The following PMPCB variants were observed in gnomAD, a reference collection of about 807,000 sequenced individuals.
PMPCB encodes the protein mitochondrial-processing peptidase subunit beta.
In PMPCB, 46 loss-of-function variants were observed where a neutral mutation model predicts 61.5. The observed-to-expected ratio is 0.75, with a 90% CI of 0.59 to 0.96. The LOEUF is 0.96. Among genes scored for constraint, PMPCB ranks in the 40% least tolerant of loss-of-function variants. PMPCB has a pLI of 0.00. For missense variants in PMPCB, 590 were observed against 602.4 expected (o/e 0.98, Z 0.22); for synonymous variants, 191 against 201.6 (o/e 0.95, Z 0.44).
intron 12 of PMPCB, chr7:103,320,762 CATAT>C (rs71519145): frequency 0.035 from 4,703 of 135,618 alleles, 169 homozygotes; most frequent in African/African-American, 0.1. Flanking sequence ...TATATATACA[CATAT>C]ATATATATAT....
Position 103,313,288 on chromosome 7 carries a change from C to T in PMPCB, c.*1017C>T. 1 of 1,330,576 alleles carries T rather than the reference C, an allele frequency of 7.5e-7. No individual in the cohort carries two copies. The highest frequency in any genetic ancestry group is 9.6e-7 in the Non-Finnish European group (1 of 1,044,774). The allele number at this position is 1,330,576 out of a possible 1,614,324, so 82.4% of individuals were successfully genotyped here. Reference sequence around the variant, plus strand: ...ATAAGAGAAAAAATTTCAGATAGCTCACATCCCAGAAAATAAAATCTCAAA... The same window carrying T: ...ATAAGAGAAAAAATTTCAGATAGCTTACATCCCAGAAAATAAAATCTCAAA... On this transcript the variant is annotated 3_prime_UTR_variant, in exon 13 of 13. Coordinates refer to ENST00000249269, the MANE Select transcript of PMPCB (RefSeq NM_004279.3).
intron 3 of PMPCB, 54 bp from the exon 4 acceptor site, chr7:103,300,124 T>C (rs1266477246): frequency 8.6e-6 from 13 of 1,512,248 alleles, no homozygotes; most frequent in Non-Finnish European, 1.2e-5. Context: ...TGAAGTAGAA[T>C]AGATGAAGTA....
intron 12 of PMPCB, among the ~76,000 whole-genome samples, chr7:103,328,062 A>C (rs1007401013): frequency 6.6e-6 from 1 of 151,998 alleles, no homozygotes; most frequent in African/African-American, 2.4e-5. Flanking sequence ...CTGGGGTTAC[A>C]GGTGCCCGCC....
At chr7:103,321,999 T>C in intron 12 of PMPCB, 1 of 1,614,150 alleles carries the variant, frequency 6.2e-7, no homozygotes, top group Non-Finnish European at 8.5e-7. Context: ...TTTTTCCTTC[T>C]TTGCCAGCAA....
the PMPCB span, chr7:103,337,831 G>C: frequency 6.3e-7 from 1 of 1,599,412 alleles, no homozygotes; most frequent in Admixed American, 1.7e-5. Context: ...AAACACAAAA[G>C]GGAGTCAAAT....
Position 103,309,031 on chromosome 7 carries a change from C to G in PMPCB, c.929C>G (p.Thr310Arg). The G allele has an allele frequency of 6.2e-7, 1 of 1,609,076 alleles. No homozygotes were observed. The highest frequency in any genetic ancestry group is 8.5e-7 in the Non-Finnish European group (1 of 1,177,290). ...VEAVGWAHPD[T>R]ICLMVANTLI... ...GCTGTTGGTTGGGCACATCCAGATACAATCTGTCTCATGGTTGCAAACACG... is the reference window on the plus strand; with the variant it reads ...GCTGTTGGTTGGGCACATCCAGATAGAATCTGTCTCATGGTTGCAAACACG... The change falls in exon 8 of 13, where the codon ACA becomes AGA. Residue 310 changes from threonine to arginine, a missense_variant. By Grantham distance (71) the Thr-to-Arg change is moderately conservative (BLOSUM62 -1). Coordinates refer to ENST00000249269, the MANE Select transcript of PMPCB (RefSeq NM_004279.3).
chr7:103,341,879 G>C, the PMPCB span: 1 of 1,613,192 alleles, frequency 6.2e-7, no homozygotes, highest in Non-Finnish European at 8.5e-7. Flanking sequence ...AAAAGAGGCA[G>C]AAGCATTTCT....
chr7:103,337,657 A>T, the PMPCB span: 1 of 1,153,140 alleles, frequency 8.7e-7, no homozygotes, highest in Non-Finnish European at 1.3e-6. Context: ...AGACTATGAT[A>T]CTGTATATCT....
chr7:103,329,899 C>G (rs974170665), downstream of PMPCB, among the ~76,000 whole-genome samples: 5 of 152,216 alleles, frequency 3.3e-5, no homozygotes, highest in African/African-American at 1.2e-4. Context: ...TTCCTTCTTT[C>G]CAATAGTTGT....
At chr7:103,323,944 C>T (rs914777224) in intron 12 of PMPCB, among the ~76,000 whole-genome samples, 7 of 152,166 alleles carry the variant, frequency 4.6e-5, no homozygotes, top group South Asian at 2.1e-4. Flanking sequence ...CCTTCAATTT[C>T]GCTAGTCTGT....
intron 12 of PMPCB, chr7:103,326,744 AAAC>A (rs1443334673): frequency 7.2e-5 from 107 of 1,492,986 alleles, no homozygotes; most frequent in Non-Finnish European, 9.2e-5. Context: ...TCCTGCAAGA[AAAC>A]AAGTATTTCC....
At chr7:103,309,245 T>C (rs1290470245) in intron 8 of PMPCB, 150 bp downstream of exon 8, 2 of 595,920 alleles carry the variant, frequency 3.4e-6, no homozygotes, top group Admixed American at 4.2e-5. Context: ...TGATCCTGGA[T>C]TGCATGTGGG....
At chr7:103,327,505 G>T in intron 12 of PMPCB, 1 of 683,816 alleles carries the variant, frequency 1.5e-6, no homozygotes, top group Non-Finnish European at 2.4e-6. Context: ...AGGCTCTGGG[G>T]TGATGATTAG....
the PMPCB span, among the ~76,000 whole-genome samples, chr7:103,345,672 T>A: frequency 1.4e-4 from 21 of 151,428 alleles, no homozygotes; most frequent in Admixed American, 1.3e-3. Context: ...CCCAAGGTGG[T>A]CTTGAACTCC....
downstream of PMPCB, among the ~76,000 whole-genome samples, chr7:103,334,304 G>C (rs1016043586): frequency 6.6e-6 from 1 of 150,694 alleles, no homozygotes; most frequent in Non-Finnish European, 1.5e-5. Flanking sequence ...GCTCATGCCT[G>C]TAATCCCAGC....
At chr7:103,330,041 G>T (rs1818902030), downstream of PMPCB, among the ~76,000 whole-genome samples, 1 of 152,098 alleles carries the variant, frequency 6.6e-6, no homozygotes, top group Non-Finnish European at 1.5e-5. Flanking sequence ...CTAGCTGTGG[G>T]CCTGAAACAG....
In PMPCB at chr7:103,311,746, G is replaced by A. The variant is rs1409847026; in HGVS notation, c.1240+18G>A. 6.2e-7 allele frequency: 1 copy of A among 1,608,934 alleles called. No individual in the cohort carries two copies. The highest frequency in any genetic ancestry group is 8.5e-7 in the Non-Finnish European group (1 of 1,175,492). Reference sequence around the variant, plus strand: ...GCTTGATGGTAAAAATAAAGATATAGGTTCTGTTTTCATATGGTTGATCTG... The same window carrying A: ...GCTTGATGGTAAAAATAAAGATATAAGTTCTGTTTTCATATGGTTGATCTG... On this transcript the variant is annotated intron_variant, in intron 10 of 12. Transcript: ENST00000249269.
chr7:103,326,474 C>A, intron 12 of PMPCB: 1 of 1,477,532 alleles, frequency 6.8e-7, no homozygotes, highest in East Asian at 2.3e-5. Flanking sequence ...AGGGAAAGAG[C>A]AGAAACCTGG....
chr7:103,342,425 C>G, the PMPCB span, among the ~76,000 whole-genome samples: 1 of 151,716 alleles, frequency 6.6e-6, no homozygotes, highest in South Asian at 2.1e-4. Flanking sequence ...TGTGCCTCAG[C>G]CTTCCAAGCA....
Sources: gnomAD v4.1 joint callset for allele counts (sites outside exome capture counted in the v4.1 genomes callset) on GRCh38, gnomAD v4.1.1 for gene constraint, MANE v1.5 for transcripts, NCBI Gene and HGNC (gene_info 2026-07-23, HGNC 2026-07-21) for gene names.